CSMD1: variants seen among roughly 807,000 people sequenced by gnomAD.
CSMD1 encodes the protein CUB and sushi domain-containing protein 1.
A neutral mutation model predicts 417.5 loss-of-function variants in CSMD1; 213 were observed. The observed-to-expected ratio is 0.51, with a 90% CI of 0.46 to 0.57. The LOEUF (loss-of-function observed/expected upper bound fraction) is 0.57. CSMD1 is among the 20% of genes least tolerant of loss of function. The pLI is 0.00. For missense variants in CSMD1, 6,923 were observed against 4,529.7 expected (o/e 1.53, Z -15.17); for synonymous variants, 2,862 against 1,736.8 (o/e 1.65, Z -16.11).
At chr8:4,201,418 G>C (rs773158884) in intron 3 of CSMD1, among the ~76,000 whole-genome samples, 1 of 151,722 alleles carries the variant, frequency 6.6e-6, no homozygotes, top group African/African-American at 2.4e-5. Context: ...GGCGCCTGTA[G>C]TCCCAGCTAC....
chr8:3,499,503 G>C (rs938696903), intron 10 of CSMD1, among the ~76,000 whole-genome samples: 1 of 152,068 alleles, frequency 6.6e-6, no homozygotes, highest in Non-Finnish European at 1.5e-5. Flanking sequence ...GCTTGGAGTG[G>C]GGGGAGTGTT....
intron 5 of CSMD1, among the ~76,000 whole-genome samples, chr8:3,794,089 G>GAA (rs1315783100): frequency 6.6e-6 from 1 of 152,168 alleles, no homozygotes; most frequent in African/African-American, 2.4e-5. Flanking sequence ...GATGGCTCAT[G>GAA]AAAAATGCAG....
chr8:4,674,117 T>A (rs1476271056), intron 1 of CSMD1, among the ~76,000 whole-genome samples: 3 of 152,140 alleles, frequency 2.0e-5, no homozygotes, highest in Non-Finnish European at 2.9e-5. Flanking sequence ...GATTCAAACA[T>A]TGGCCATCTC....
At chr8:4,385,067 C>T (rs939800881) in intron 3 of CSMD1, among the ~76,000 whole-genome samples, 2 of 152,182 alleles carry the variant, frequency 1.3e-5, no homozygotes, top group Non-Finnish European at 2.9e-5. Flanking sequence ...GCTGTGATTA[C>T]AGGTGCCTTC....
intron 2 of CSMD1, among the ~76,000 whole-genome samples, chr8:4,545,522 C>T (rs77434910): frequency 0.048 from 7,359 of 151,922 alleles, 198 homozygotes; most frequent in South Asian, 0.094. Context: ...CACGACCCTA[C>T]GAAAGAATCT....
At chr8:3,410,711 G>C (rs952099443) in intron 12 of CSMD1, among the ~76,000 whole-genome samples, 1 of 152,028 alleles carries the variant, frequency 6.6e-6, no homozygotes, top group East Asian at 1.9e-4. Flanking sequence ...ACTAATACAG[G>C]GGTTATGTTT....
At chr8:3,206,828 C>A (rs778081686) in intron 30 of CSMD1, among the ~76,000 whole-genome samples, 1 of 152,118 alleles carries the variant, frequency 6.6e-6, no homozygotes, top group Non-Finnish European at 1.5e-5. Flanking sequence ...TTTAAAGCAT[C>A]ATGGAAGAGA....
chr8:4,123,636 A>G (rs939134909), intron 3 of CSMD1, among the ~76,000 whole-genome samples: 1 of 152,196 alleles, frequency 6.6e-6, no homozygotes, highest in African/African-American at 2.4e-5. Context: ...TGATGATAAC[A>G]TTGGAAATGG....
At chr8:4,163,500 A>G (rs746927054) in intron 3 of CSMD1, among the ~76,000 whole-genome samples, 62 of 152,228 alleles carry the variant, frequency 4.1e-4, no homozygotes, top group Non-Finnish European at 7.1e-4. Context: ...TTCAACTCAC[A>G]GTACAGACAT....
chr8:3,637,811 T>A (rs1797123207), intron 7 of CSMD1, among the ~76,000 whole-genome samples: 1 of 152,150 alleles, frequency 6.6e-6, no homozygotes, highest in South Asian at 2.1e-4. Flanking sequence ...GGGAAGTAAT[T>A]GAATCTTGGG....
At chr8:4,923,661 C>T (rs1806652149) in intron 1 of CSMD1, among the ~76,000 whole-genome samples, 1 of 152,122 alleles carries the variant, frequency 6.6e-6, no homozygotes, top group South Asian at 2.1e-4. Context: ...CATGTTCTCT[C>T]CTGGTATACC....
intron 7 of CSMD1, among the ~76,000 whole-genome samples, chr8:3,633,284 G>C (rs1482211): frequency 1.3e-5 from 2 of 151,970 alleles, no homozygotes; most frequent in African/African-American, 2.4e-5. Context: ...AAAATTATGT[G>C]GAAAATGCAT....
chr8:3,592,722 CTTTGA>C (rs779651798), intron 8 of CSMD1, among the ~76,000 whole-genome samples: 41 of 151,890 alleles, frequency 2.7e-4, no homozygotes, highest in Non-Finnish European at 5.7e-4. Context: ...GTATGCACAG[CTTTGA>C]TTTTTCTTCC....
At chr8:3,624,456 T>A (rs887660735) in intron 7 of CSMD1, among the ~76,000 whole-genome samples, 1 of 152,256 alleles carries the variant, frequency 6.6e-6, no homozygotes, top group African/African-American at 2.4e-5. Flanking sequence ...CTCACACTTT[T>A]TAGCACGAAG....
At chr8:4,131,547 C>G (rs938732715) in intron 3 of CSMD1, among the ~76,000 whole-genome samples, 1 of 152,116 alleles carries the variant, frequency 6.6e-6, no homozygotes, top group Non-Finnish European at 1.5e-5. Flanking sequence ...TTGTCTTTAA[C>G]TGTAGAAAAT....
At chr8:2,973,658 T>C (rs1327077728) in intron 56 of CSMD1, among the ~76,000 whole-genome samples, 1 of 139,266 alleles carries the variant, frequency 7.2e-6, no homozygotes, top group Non-Finnish European at 1.5e-5. Flanking sequence ...AAACAGGGAA[T>C]GTGGGGAAAA....
chr8:3,869,331 G>C (rs1245480794), intron 5 of CSMD1, among the ~76,000 whole-genome samples: 1 of 152,106 alleles, frequency 6.6e-6, no homozygotes, highest in African/African-American at 2.4e-5. Flanking sequence ...TGTATCACCT[G>C]TGGCTATACT....
intron 3 of CSMD1, among the ~76,000 whole-genome samples, chr8:4,053,320 A>G (rs998677651): frequency 6.6e-6 from 1 of 152,192 alleles, no homozygotes; most frequent in African/African-American, 2.4e-5. Context: ...TGAGAATAAT[A>G]AAAATCAGAC....
chr8:3,070,212 T>C (rs1813241470), intron 49 of CSMD1, among the ~76,000 whole-genome samples: 1 of 152,214 alleles, frequency 6.6e-6, no homozygotes, highest in African/African-American at 2.4e-5. Context: ...TTTTCCCCAT[T>C]GTTTTGGAAT....
Sources: gnomAD v4.1 joint callset for allele counts (sites outside exome capture counted in the v4.1 genomes callset) on GRCh38, gnomAD v4.1.1 for gene constraint, MANE v1.5 for transcripts, NCBI Gene and HGNC (gene_info 2026-07-23, HGNC 2026-07-21) for gene names.